Variants in CNTLN observed in about 807,000 individuals in gnomAD.
CNTLN encodes centlein.
A neutral mutation model predicts 180.0 loss-of-function variants in CNTLN; 212 were observed. That is an observed-to-expected ratio of 1.18 (90% CI 1.05 to 1.32). CNTLN has a LOEUF of 1.32. CNTLN is among the 40% of genes most tolerant of loss of function. The pLI, the probability that CNTLN is intolerant of heterozygous loss-of-function variation, is 0.00. For missense variants in CNTLN, 2,095 were observed against 1,610.9 expected (o/e 1.30, Z -5.14); for synonymous variants, 722 against 563.1 (o/e 1.28, Z -3.99).
intron 5 of CNTLN, among the ~76,000 whole-genome samples, chr9:17,255,610 T>G: frequency 6.6e-6 from 1 of 151,866 alleles, no homozygotes; most frequent in African/African-American, 2.4e-5. Flanking sequence ...ATTCATCAGA[T>G]AATTGGTCTC....
intron 16 of CNTLN, among the ~76,000 whole-genome samples, chr9:17,412,267 A>G (rs533768253): frequency 2.6e-5 from 4 of 152,330 alleles, no homozygotes; most frequent in African/African-American, 9.6e-5. Context: ...AGTCCCATTC[A>G]AATGAGATTC....
chr9:17,230,680 G>A (rs1450718355), intron 3 of CNTLN, among the ~76,000 whole-genome samples: 1 of 152,008 alleles, frequency 6.6e-6, no homozygotes, highest in Admixed American at 6.6e-5. Flanking sequence ...AATACTCTGA[G>A]TGTGTTTAAA....
At chr9:17,382,747 C>T (rs1298831285) in intron 13 of CNTLN, among the ~76,000 whole-genome samples, 3 of 152,118 alleles carry the variant, frequency 2.0e-5, no homozygotes, top group Non-Finnish European at 4.4e-5. Context: ...GCATTCCTTC[C>T]AGCCCTATTC....
chr9:17,276,119 C>A (rs1000251630), intron 6 of CNTLN, among the ~76,000 whole-genome samples: 6 of 152,098 alleles, frequency 3.9e-5, no homozygotes, highest in Non-Finnish European at 8.8e-5. Flanking sequence ...ACATATACCC[C>A]CTGTATCTAA....
intron 2 of CNTLN, among the ~76,000 whole-genome samples, chr9:17,191,167 C>G (rs1289284238): frequency 6.6e-6 from 1 of 152,174 alleles, no homozygotes; most frequent in Admixed American, 6.5e-5. Flanking sequence ...ATATGTGAGC[C>G]TTTTGGATAC....
chr9:17,421,778 T>C (rs144147427), intron 18 of CNTLN, among the ~76,000 whole-genome samples: 152 of 152,284 alleles, frequency 1.0e-3, no homozygotes, highest in Middle Eastern at 3.4e-3. Context: ...CAAATAATGC[T>C]TTGTAACCAA....
chr9:17,360,280 G>T (rs371095294), intron 12 of CNTLN, among the ~76,000 whole-genome samples: 4 of 152,286 alleles, frequency 2.6e-5, no homozygotes, highest in African/African-American at 9.6e-5. Flanking sequence ...ATCATCATAG[G>T]TAGGGACCAC....
At chr9:17,427,187 C>T (rs1829140777) in intron 18 of CNTLN, among the ~76,000 whole-genome samples, 1 of 152,040 alleles carries the variant, frequency 6.6e-6, no homozygotes, top group Non-Finnish European at 1.5e-5. Flanking sequence ...GATTTCCATG[C>T]AGCAGGTGCT....
intron 2 of CNTLN, among the ~76,000 whole-genome samples, chr9:17,159,640 C>G (rs1819540007): frequency 6.6e-6 from 1 of 152,124 alleles, no homozygotes; most frequent in African/African-American, 2.4e-5. Context: ...TTGCTGATAT[C>G]CTGTTCTTCC....
intron 7 of CNTLN, among the ~76,000 whole-genome samples, chr9:17,303,200 A>G (rs555341406): frequency 1.1e-4 from 17 of 152,334 alleles, no homozygotes; most frequent in African/African-American, 4.1e-4. Context: ...TTTATTATAA[A>G]GCCAACAGTA....
At chr9:17,452,930 C>A (rs1302107769) in intron 18 of CNTLN, among the ~76,000 whole-genome samples, 2 of 151,934 alleles carry the variant, frequency 1.3e-5, no homozygotes, top group African/African-American at 4.8e-5. Context: ...AGTTAAACTA[C>A]AAAATGCAGA....
chr9:17,303,373 G>A (rs557429827), intron 7 of CNTLN, among the ~76,000 whole-genome samples: 1 of 152,116 alleles, frequency 6.6e-6, no homozygotes, highest in African/African-American at 2.4e-5. Flanking sequence ...TTATTCAGAA[G>A]ATTTCATTGC....
At chr9:17,511,831 C>T in the CNTLN span, among the ~76,000 whole-genome samples, 1 of 152,084 alleles carries the variant, frequency 6.6e-6, no homozygotes, top group Admixed American at 6.5e-5. Flanking sequence ...GGGAAATTGC[C>T]TTGAAGCTGT....
intron 5 of CNTLN, among the ~76,000 whole-genome samples, chr9:17,266,342 G>T (rs11523716): frequency 0.23 from 34,663 of 152,060 alleles, 4,186 homozygotes; most frequent in South Asian, 0.36. Flanking sequence ...ATGTAGTTGA[G>T]TGGTTTTGAG....
intron 18 of CNTLN, among the ~76,000 whole-genome samples, chr9:17,456,316 T>C (rs1187475859): frequency 6.6e-6 from 1 of 152,094 alleles, no homozygotes; most frequent in Non-Finnish European, 1.5e-5. Context: ...ATAAACAATT[T>C]CCTAAAAATC....
intron 12 of CNTLN, among the ~76,000 whole-genome samples, chr9:17,362,695 T>C (rs903113536): frequency 6.6e-6 from 1 of 152,098 alleles, no homozygotes; most frequent in Non-Finnish European, 1.5e-5. Context: ...GTGATGACTA[T>C]CTTTATTTTT....
At chr9:17,378,541 T>TTTTCAATTTATTGTCA (rs1824969973) in intron 13 of CNTLN, among the ~76,000 whole-genome samples, 1 of 152,192 alleles carries the variant, frequency 6.6e-6, no homozygotes, top group Non-Finnish European at 1.5e-5. Context: ...ATTGTTGTTG[T>TTTTCAATTTATTGTCA]TTTCAATTTA....
At chr9:17,246,468 C>A (rs1336390511) in intron 5 of CNTLN, among the ~76,000 whole-genome samples, 3 of 152,156 alleles carry the variant, frequency 2.0e-5, no homozygotes, top group Admixed American at 6.5e-5. Flanking sequence ...CTGTGACCAC[C>A]AACATTGGAA....
At chr9:17,417,966 A>G (rs1828398591) in intron 18 of CNTLN, among the ~76,000 whole-genome samples, 1 of 152,044 alleles carries the variant, frequency 6.6e-6, no homozygotes, top group Non-Finnish European at 1.5e-5. Context: ...AGAGTATAGT[A>G]TAGATGATCA....
Sources: gnomAD v4.1 joint callset for allele counts (sites outside exome capture counted in the v4.1 genomes callset) on GRCh38, gnomAD v4.1.1 for gene constraint, MANE v1.5 for transcripts, NCBI Gene and HGNC (gene_info 2026-07-23, HGNC 2026-07-21) for gene names.